The following P2RX5 variants were observed in gnomAD, a reference collection of about 807,000 sequenced individuals.
The protein encoded by P2RX5 is P2X purinoceptor 5.
In P2RX5, 46 loss-of-function variants were observed where a neutral mutation model predicts 54.1. The ratio of observed to expected loss-of-function variants is 0.85; its 90% CI spans 0.67 to 1.09. The LOEUF (loss-of-function observed/expected upper bound fraction) is 1.09. Ranked by LOEUF, P2RX5 falls within the 50% of genes least tolerant of loss-of-function variation. P2RX5 has a pLI of 0.00. For synonymous variants in P2RX5, 226 were observed against 226.4 expected, an observed-to-expected ratio of 1.00 and a Z score of 0.02; for missense variants, 566 against 549.8, an observed-to-expected ratio of 1.03 and a Z score of -0.29.
At chr17:3,694,134 C>G (rs2050692590) in intron 1 of P2RX5, among the ~76,000 whole-genome samples, 2 of 149,318 alleles carry the variant, frequency 1.3e-5, no homozygotes, top group South Asian at 4.4e-4. Context: ...CAGCCCCACA[C>G]GGCAGGATAG....
At chr17:3,705,890 G>A in the P2RX5 span, among the ~76,000 whole-genome samples, 1 of 151,960 alleles carries the variant, frequency 6.6e-6, no homozygotes, top group Non-Finnish European at 1.5e-5. Context: ...TGACCTCCTT[G>A]GGCTGAGGTG....
intron 1 of P2RX5, among the ~76,000 whole-genome samples, chr17:3,693,939 A>C (rs2050688025): frequency 1.3e-5 from 2 of 151,902 alleles, no homozygotes; most frequent in African/African-American, 4.8e-5. Context: ...CAATTTTTGA[A>C]TTTTTAGTAG....
At chr17:3,703,707 G>T in the P2RX5 span, among the ~76,000 whole-genome samples, 1 of 152,106 alleles carries the variant, frequency 6.6e-6, no homozygotes, top group African/African-American at 2.4e-5. Context: ...TCCAGCTCTG[G>T]TGAGGGTGAA....
At chr17:3,716,926 A>G in the P2RX5 span, 4 of 606,586 alleles carry the variant, frequency 6.6e-6, no homozygotes, top group Non-Finnish European at 1.2e-5. Context: ...AGCTGATGAC[A>G]GTAAAGCAAA....
chr17:3,684,767 A>G (rs974519121), intron 9 of P2RX5, among the ~76,000 whole-genome samples: 2 of 152,018 alleles, frequency 1.3e-5, no homozygotes, highest in South Asian at 4.1e-4. Flanking sequence ...ACCACAACAC[A>G]GAATTCTCCC....
At chr17:3,722,741 T>TG in the P2RX5 span, among the ~76,000 whole-genome samples, 19 of 152,336 alleles carry the variant, frequency 1.2e-4, no homozygotes, top group African/African-American at 4.3e-4. Flanking sequence ...TGCCTTGCTC[T>TG]GGCCATGAAA....
At chr17:3,723,774 T>C in the P2RX5 span, 1 of 1,602,832 alleles carries the variant, frequency 6.2e-7, no homozygotes, top group Non-Finnish European at 8.5e-7. Flanking sequence ...CGCGACGCGC[T>C]GAACAAACCA....
intron 2 of P2RX5, 27 bp downstream of exon 2, chr17:3,691,617 G>T: frequency 6.2e-7 from 1 of 1,613,946 alleles, no homozygotes; most frequent in Non-Finnish European, 8.5e-7. Context: ...TGCCAGCCTT[G>T]GCCGTGTGCT....
upstream of P2RX5, among the ~76,000 whole-genome samples, chr17:3,699,023 T>C (rs2143003006): frequency 6.8e-6 from 1 of 148,074 alleles, no homozygotes; most frequent in Admixed American, 6.7e-5. Context: ...CTGGGCAACA[T>C]AGCAAAACTT....
chr17:3,694,871 G>C (rs1295461092), intron 1 of P2RX5, among the ~76,000 whole-genome samples: 1 of 152,222 alleles, frequency 6.6e-6, no homozygotes, highest in Non-Finnish European at 1.5e-5. Flanking sequence ...GAGGAAGGGA[G>C]AGGGAGTTAC....
At chr17:3,696,305 C>A (rs77593401), upstream of P2RX5, 353 of 222,478 alleles carry the variant, frequency 1.6e-3, 5 homozygotes, top group East Asian at 0.034. Context: ...CACAGTGACA[C>A]CCCTGCAACC....
chr17:3,717,001 C>T, the P2RX5 span: 14 of 494,552 alleles, frequency 2.8e-5, no homozygotes, highest in African/African-American at 7.8e-5. Flanking sequence ...CCAAATACTT[C>T]GTAAGAAACT....
the P2RX5 span, among the ~76,000 whole-genome samples, chr17:3,716,356 A>G: frequency 6.6e-6 from 1 of 152,174 alleles, no homozygotes; most frequent in Non-Finnish European, 1.5e-5. Context: ...TCTTCCAAGT[A>G]AGTTATAAAT....
chr17:3,696,070 C>T lies in P2RX5; in HGVS notation c.-65G>A, dbSNP rs2050753214. The T allele has an allele frequency of 3.8e-6, 6 of 1,567,270 alleles. No homozygotes were observed. The East Asian group carries it at 9.3e-5, about 24-fold the overall frequency. ...GTGCGCTCATGGGGAGCACTCGGTC[C>T]CTCGGTCCCTGCGCGCCCGGCGCCC... On this transcript the variant is annotated 5_prime_UTR_variant, in exon 1 of 12. Coordinates refer to ENST00000225328, the MANE Select transcript of P2RX5 (RefSeq NM_002561.4).
At position 3,674,900 on chromosome 17, in the gene P2RX5, C is replaced by T. The variant is rs1196032012; in HGVS notation, c.1260-1023G>A. Among the ~76,000 whole-genome samples, 5 of 152,316 alleles carry T rather than the reference C, an allele frequency of 3.3e-5. No homozygotes were observed. The East Asian group carries it at 9.7e-4, about 29-fold the overall frequency. The stretch of plus-strand genomic sequence containing the variant: ...GATCATTTGGTAAGGGTTCAATGCC[C>T]CATTAGACTGGAAACCCTCGGGGGC... On this transcript the variant is annotated intron_variant, in intron 11 of 11. Transcript: ENST00000225328.
At chr17:3,683,761 C>A (rs12945799) in intron 9 of P2RX5, among the ~76,000 whole-genome samples, 7,120 of 150,082 alleles carry the variant, frequency 0.047, 243 homozygotes, top group Middle Eastern at 0.11. Context: ...AAAGTGATAG[C>A]TGAAGGTGGG....
intron 9 of P2RX5, chr17:3,682,766 T>G (rs952741529): frequency 1.5e-4 from 23 of 152,700 alleles, no homozygotes; most frequent in African/African-American, 5.5e-4. Flanking sequence ...GGCTCACGCC[T>G]GTAATCCCAG....
At chr17:3,678,033 C>T (rs1370163583) in intron 11 of P2RX5, 1 of 985,330 alleles carries the variant, frequency 1.0e-6, no homozygotes, top group African/African-American at 1.7e-5. Context: ...GTTGTTCTGG[C>T]CCCAAAGTTT....
intron 11 of P2RX5, among the ~76,000 whole-genome samples, 174 bp from the exon 12 acceptor site, chr17:3,674,051 A>G (rs541918476): frequency 1.3e-5 from 2 of 152,308 alleles, no homozygotes; most frequent in East Asian, 3.9e-4. Context: ...GCTCATGCCC[A>G]TGCCTGTAAT....
Sources: gnomAD v4.1 joint callset for allele counts (sites outside exome capture counted in the v4.1 genomes callset) on GRCh38, gnomAD v4.1.1 for gene constraint, MANE v1.5 for transcripts, NCBI Gene and HGNC (gene_info 2026-07-23, HGNC 2026-07-21) for gene names.